Variants in DPP6 observed in about 807,000 individuals in gnomAD.
DPP6 encodes the protein A-type potassium channel modulatory protein DPP6.
Under a neutral mutation model 122.6 loss-of-function variants are expected in DPP6, and 69 were observed. The ratio of observed to expected loss-of-function variants is 0.56; its 90% CI spans 0.46 to 0.69. The LOEUF is 0.69. DPP6 is among the 30% of genes least tolerant of loss of function. The pLI is 0.00. For missense variants in DPP6, 928 were observed against 1,116.9 expected (o/e 0.83, Z 2.41); for synonymous variants, 418 against 433.1 (o/e 0.97, Z 0.43).
intron 16 of DPP6, among the ~76,000 whole-genome samples, chr7:154,848,286 C>T (rs917685293): frequency 1.3e-5 from 2 of 152,164 alleles, no homozygotes; most frequent in Admixed American, 6.5e-5. Context: ...TTACCTTCCC[C>T]CCAGAGCATA....
At chr7:154,334,530 T>C (rs1040418975) in intron 1 of DPP6, among the ~76,000 whole-genome samples, 2 of 152,218 alleles carry the variant, frequency 1.3e-5, no homozygotes, top group African/African-American at 4.8e-5. Context: ...ATACCATGTC[T>C]GGAGTCTAGT....
At chr7:154,254,012 C>G (rs546355026) in intron 1 of DPP6, among the ~76,000 whole-genome samples, 154 of 152,310 alleles carry the variant, frequency 1.0e-3, no homozygotes, top group Non-Finnish European at 1.6e-3. Context: ...ATCACAAGAA[C>G]GGCAAGAAGG....
At chr7:153,991,844 C>T (rs1452348498) in intron 1 of DPP6, among the ~76,000 whole-genome samples, 1 of 151,898 alleles carries the variant, frequency 6.6e-6, no homozygotes, top group Non-Finnish European at 1.5e-5. Context: ...CCATCTTTAA[C>T]TTATTACACT....
chr7:153,759,732 A>G, the DPP6 span, among the ~76,000 whole-genome samples: 1 of 152,202 alleles, frequency 6.6e-6, no homozygotes, highest in Non-Finnish European at 1.5e-5. Flanking sequence ...CTCGAAATGG[A>G]TCATAAATAA....
chr7:153,964,926 CTT>C lies in DPP6; in HGVS notation c.51+77194_51+77195del, dbSNP rs1585100595. Among the ~76,000 whole-genome samples, 12 of 110,098 alleles carry C rather than the reference CTT, an allele frequency of 1.1e-4. No individual in the cohort carries two copies. The East Asian group carries it at 2.3e-3, about 21-fold the overall frequency. 72.2% of individuals were successfully genotyped at this position (110,098 alleles called of 152,430 possible). A position where few individuals can be genotyped will look rare whatever the true frequency, so the allele number is the denominator to read the frequency against. On this transcript the variant is annotated intron_variant, in intron 1 of 25. Coordinates refer to the DPP6 transcript ENST00000404039. ...TTCTTTTCTTTTCCTTTCTTTCTTT[CTT>C]TCTTTCTTTCTTTTTCTTTCTTTCT...
the DPP6 span, among the ~76,000 whole-genome samples, chr7:153,781,316 C>G: frequency 1.3e-5 from 2 of 152,188 alleles, no homozygotes; most frequent in African/African-American, 2.4e-5. Flanking sequence ...CAATTCTTCA[C>G]TAATCCGAGA....
chr7:154,801,308 A>G (rs926918799), intron 12 of DPP6, 47 bp from the exon 13 acceptor site: 20 of 1,552,814 alleles, frequency 1.3e-5, no homozygotes, highest in Non-Finnish European at 1.7e-5. Flanking sequence ...CCTCTTCAGA[A>G]TAAATGATGT....
At chr7:154,062,731 G>T (rs1585285941) in intron 1 of DPP6, among the ~76,000 whole-genome samples, 1 of 69,280 alleles carries the variant, frequency 1.4e-5, no homozygotes, top group Non-Finnish European at 2.6e-5. Flanking sequence ...ATCGTAGGGG[G>T]GGGGAGGCAC....
At chr7:154,275,005 G>C (rs1324788290) in intron 1 of DPP6, among the ~76,000 whole-genome samples, 1 of 152,236 alleles carries the variant, frequency 6.6e-6, no homozygotes, top group African/African-American at 2.4e-5. Context: ...CCATGCCTCT[G>C]GACCCTCAGC....
At chr7:153,897,661 T>G (rs1456473491) in intron 1 of DPP6, among the ~76,000 whole-genome samples, 1 of 152,222 alleles carries the variant, frequency 6.6e-6, no homozygotes, top group African/African-American at 2.4e-5. Flanking sequence ...AACTTATATA[T>G]GAAAGTTTGA....
At chr7:153,887,392 T>C (rs1798976813) in exon 1 of DPP6, 1 of 298,514 alleles carries the variant, frequency 3.3e-6, no homozygotes, top group African/African-American at 2.1e-5. Context: ...CCTCCCTCCC[T>C]GGCTCCTGGC....
intron 1 of DPP6, among the ~76,000 whole-genome samples, chr7:154,265,203 T>A (rs62485815): frequency 0.44 from 65,433 of 148,924 alleles, 14,618 homozygotes; most frequent in South Asian, 0.54. Flanking sequence ...GTGATGATGG[T>A]GTTAATGGTG....
At chr7:154,487,949 G>A (rs1010634473) in intron 3 of DPP6, among the ~76,000 whole-genome samples, 1 of 152,124 alleles carries the variant, frequency 6.6e-6, no homozygotes, top group African/African-American at 2.4e-5. Context: ...CTGCATCTCT[G>A]TCTGGCTCTT....
intron 16 of DPP6, among the ~76,000 whole-genome samples, chr7:154,807,376 C>A (rs1398889318): frequency 6.6e-6 from 1 of 152,180 alleles, no homozygotes; most frequent in African/African-American, 2.4e-5. Context: ...TGCCAGTAAT[C>A]TCTCAGTTTG....
chr7:154,883,601 C>CAT (rs894364588), intron 21 of DPP6: 4 of 111,478 alleles, frequency 3.6e-5, no homozygotes, highest in African/African-American at 1.4e-4. Flanking sequence ...CTCACACACA[C>CAT]ATGCTCACCC....
intron 1 of DPP6, among the ~76,000 whole-genome samples, chr7:154,376,189 G>T (rs376836919): frequency 1.4e-4 from 22 of 152,324 alleles, no homozygotes; most frequent in African/African-American, 5.3e-4. Context: ...GTGCGGGGAA[G>T]GGCTGCTGGG....
chr7:154,024,379 CCA>C (rs1798870396), intron 1 of DPP6, among the ~76,000 whole-genome samples: 1 of 152,088 alleles, frequency 6.6e-6, no homozygotes, highest in Non-Finnish European at 1.5e-5. Flanking sequence ...GAATAAATTG[CCA>C]TGTGTACTTA....
At chr7:153,880,304 C>T in the DPP6 span, among the ~76,000 whole-genome samples, 2 of 152,208 alleles carry the variant, frequency 1.3e-5, no homozygotes, top group Non-Finnish European at 2.9e-5. Flanking sequence ...TTCACTGATT[C>T]TGTAAAATAG....
chr7:154,727,714 A>G (rs1417949130), intron 7 of DPP6, 53 bp from the exon 8 acceptor site: 2 of 1,539,246 alleles, frequency 1.3e-6, no homozygotes, highest in African/African-American at 1.4e-5. Flanking sequence ...AGAACAGCCT[A>G]TTTATAACCA....
Sources: allele counts gnomAD v4.1 joint callset (sites outside exome capture counted in the v4.1 genomes callset), GRCh38; gene constraint gnomAD v4.1.1; transcripts MANE v1.5; gene names NCBI Gene and HGNC (gene_info 2026-07-23, HGNC 2026-07-21).